Variants in ABI3BP observed in about 807,000 individuals in gnomAD.
ABI3BP encodes ABI family member 3 binding protein.
Under a neutral mutation model 268.6 loss-of-function variants are expected in ABI3BP, and 216 were observed. The ratio of observed to expected loss-of-function variants is 0.80; its 90% CI spans 0.72 to 0.90. The LOEUF (loss-of-function observed/expected upper bound fraction) is 0.90. Among genes scored for constraint, ABI3BP ranks in the 40% least tolerant of loss-of-function variants. The probability of loss-of-function intolerance (pLI) is 0.00; values close to 1 mark genes in which losing one functional copy is unlikely to be tolerated. For missense variants in ABI3BP, 2,090 were observed against 2,182.4 expected (o/e 0.96, Z 0.84); for synonymous variants, 730 against 730.0 (o/e 1.00, Z 0.00).
At chr3:100,875,697 A>G (rs1035013021) in intron 7 of ABI3BP, 118 bp from the exon 8 acceptor site, 43 of 718,240 alleles carry the variant, frequency 6.0e-5, no homozygotes, top group Non-Finnish European at 9.5e-5. Flanking sequence ...ATTAATACAA[A>G]GCAACTCAGT....
intron 14 of ABI3BP, among the ~76,000 whole-genome samples, chr3:100,857,998 C>G (rs992371296): frequency 6.6e-6 from 1 of 152,238 alleles, no homozygotes; most frequent in African/African-American, 2.4e-5. Flanking sequence ...AGCGCTTGCT[C>G]CTTAACAACA....
intron 1 of ABI3BP, among the ~76,000 whole-genome samples, chr3:100,976,389 C>A (rs952653161): frequency 1.3e-5 from 2 of 152,210 alleles, no homozygotes; most frequent in East Asian, 1.9e-4. Flanking sequence ...TGTTCAAAGC[C>A]TTCCCAATTC....
At chr3:100,817,637 A>C in intron 41 of ABI3BP, 142 bp from the exon 42 acceptor site, 14 of 523,590 alleles carry the variant, frequency 2.7e-5, no homozygotes, top group East Asian at 9.0e-5. Context: ...CATTAGTCTC[A>C]TAAGACAGAT....
At chr3:100,804,036 C>T (rs533550312) in intron 51 of ABI3BP, among the ~76,000 whole-genome samples, 9 of 152,208 alleles carry the variant, frequency 5.9e-5, no homozygotes, top group African/African-American at 1.9e-4. Context: ...AATAATTGTA[C>T]CTTTAAAAGG....
intron 50 of ABI3BP, among the ~76,000 whole-genome samples, chr3:100,805,813 T>A (rs1252934769): frequency 6.6e-6 from 1 of 152,076 alleles, no homozygotes; most frequent in Non-Finnish European, 1.5e-5. Flanking sequence ...TAACTCAAGA[T>A]ATGGTTATAA....
At chr3:100,843,672 G>C (rs2098735785) in intron 20 of ABI3BP, 1 of 984,354 alleles carries the variant, frequency 1.0e-6, no homozygotes, top group Middle Eastern at 5.2e-4. Flanking sequence ...GTGTAAGGGA[G>C]TGCATGTATA....
At chr3:100,853,261 A>T (rs2098886259) in intron 14 of ABI3BP, among the ~76,000 whole-genome samples, 1 of 152,228 alleles carries the variant, frequency 6.6e-6, no homozygotes, top group East Asian at 1.9e-4. Context: ...AGATATGCAC[A>T]CATTCTGAGA....
chr3:100,920,486 T>G (rs1395345463), intron 2 of ABI3BP, among the ~76,000 whole-genome samples: 3 of 152,100 alleles, frequency 2.0e-5, no homozygotes, highest in Non-Finnish European at 2.9e-5. Flanking sequence ...TGCATTGGCG[T>G]GATCTTGGCT....
intron 54 of ABI3BP, among the ~76,000 whole-genome samples, chr3:100,793,906 C>T (rs2097266061): frequency 6.6e-6 from 1 of 151,986 alleles, no homozygotes. Flanking sequence ...TCCCACACAG[C>T]ACATTTGTGT....
chr3:100,873,596 A>G (rs567768667), intron 9 of ABI3BP, among the ~76,000 whole-genome samples: 6 of 152,082 alleles, frequency 3.9e-5, no homozygotes, highest in Non-Finnish European at 8.8e-5. Flanking sequence ...CCCACCTAGG[A>G]CCCCAGCCTA....
At chr3:100,917,652 G>T (rs557859525) in intron 2 of ABI3BP, among the ~76,000 whole-genome samples, 1 of 152,218 alleles carries the variant, frequency 6.6e-6, no homozygotes, top group South Asian at 2.1e-4. Context: ...ATATTATCGA[G>T]AATGACTTTT....
At chr3:100,896,704 A>T (rs1366511817) in intron 4 of ABI3BP, among the ~76,000 whole-genome samples, 4 of 152,116 alleles carry the variant, frequency 2.6e-5, no homozygotes, top group African/African-American at 9.7e-5. Flanking sequence ...TTTTCTCAGC[A>T]TTAGTACCCC....
intron 1 of ABI3BP, among the ~76,000 whole-genome samples, chr3:100,944,904 T>C (rs1296555850): frequency 1.3e-5 from 2 of 152,116 alleles, no homozygotes; most frequent in Non-Finnish European, 2.9e-5. Flanking sequence ...AGAAAGGCCA[T>C]TTGCTCTCAA....
chr3:100,792,765 T>C lies in ABI3BP; in HGVS notation c.3950A>G (p.Glu1317Gly), dbSNP rs754378564. Reference protein sequence around the residue: ...SQEELQTTLEETDQSTQEPFT... With the variant: ...SQEELQTTLEGTDQSTQEPFT... ...AGGTTCTTGGGTGGATTGGTCTGTT[T>C]CTTCTAGAGAAAACACAGTAAGATT... is the stretch of plus-strand genomic sequence containing the variant. Residue 1317 changes from glutamate to glycine, a missense_variant, in exon 55 of 68, where the codon GAA becomes GGA. Transcript: ENST00000471714. 3.7e-6 allele frequency: 6 copies of C among 1,610,974 alleles called. No homozygotes were observed. Among genetic ancestry groups the C allele is most frequent in the Non-Finnish European group, 5.1e-6 (6 of 1,177,968 alleles).
intron 1 of ABI3BP, among the ~76,000 whole-genome samples, chr3:100,940,817 T>G (rs1336659348): frequency 1.3e-5 from 1 of 78,422 alleles, no homozygotes; most frequent in Admixed American, 1.4e-4. Flanking sequence ...TATATATATA[T>G]ATATATATAT....
At chr3:100,825,042 C>T in intron 35 of ABI3BP, 101 bp from the exon 36 acceptor site, 3 of 973,558 alleles carry the variant, frequency 3.1e-6, no homozygotes, top group South Asian at 3.6e-5. Flanking sequence ...GTTCCAGAAA[C>T]TTTAGTTGTT....
chr3:100,878,525 A>G (rs2099187490), intron 6 of ABI3BP, among the ~76,000 whole-genome samples: 1 of 152,218 alleles, frequency 6.6e-6, no homozygotes, highest in Admixed American at 6.5e-5. Flanking sequence ...ACGCAGATAT[A>G]ATTTAGACAT....
intron 6 of ABI3BP, among the ~76,000 whole-genome samples, chr3:100,879,559 A>G (rs1318859): frequency 0.34 from 51,822 of 152,064 alleles, 9,199 homozygotes; most frequent in African/African-American, 0.42. Flanking sequence ...CAAACAAACC[A>G]TTTTTTGACA....
rs143272880 is a variant in ABI3BP at position 100,822,189 on chromosome 3, T to G, written c.2887+400A>C. Among the ~76,000 whole-genome samples, 542 of 152,342 alleles carry G rather than the reference T, an allele frequency of 3.6e-3. 5 individuals are homozygous for G. Among genetic ancestry groups the G allele is most frequent in the Non-Finnish European group, 5.3e-3 (360 of 68,038 alleles). ...GGAAAGGCTTCTGTTCTCAACTGTCTTACAGGTTTGAGGATCAAAATGCAT... is the reference window on the plus strand; with the variant it reads ...GGAAAGGCTTCTGTTCTCAACTGTCGTACAGGTTTGAGGATCAAAATGCAT... On this transcript the variant is annotated intron_variant, in intron 38 of 67. Coordinates refer to ENST00000471714, the MANE Select transcript of ABI3BP (RefSeq NM_001375547.2).
Sources: gnomAD v4.1 joint callset for allele counts (sites outside exome capture counted in the v4.1 genomes callset) on GRCh38, gnomAD v4.1.1 for gene constraint, MANE v1.5 for transcripts, NCBI Gene and HGNC (gene_info 2026-07-23, HGNC 2026-07-21) for gene names.